Variants in MAML3 observed in about 807,000 individuals in gnomAD.
MAML3 encodes the protein mastermind-like protein 3.
Under a neutral mutation model 101.9 loss-of-function variants are expected in MAML3, and 27 were observed. That is an observed-to-expected ratio of 0.27 (90% CI 0.20 to 0.37). The LOEUF is 0.37. MAML3 is among the 10% of genes least tolerant of loss of function. The pLI is 1.00. For missense variants in MAML3, 1,316 were observed against 1,444.9 expected (o/e 0.91, Z 1.45); for synonymous variants, 501 against 555.9 (o/e 0.90, Z 1.39).
chr4:139,971,186 TCTA>T, intron 1 of MAML3, among the ~76,000 whole-genome samples: 1 of 147,552 alleles, frequency 6.8e-6, no homozygotes, highest in East Asian at 2.2e-4. Flanking sequence ...AGTTATCTCC[TCTA>T]ATTACTAACT....
At chr4:139,888,474 T>A in intron 2 of MAML3, 1 of 512,136 alleles carries the variant, frequency 2.0e-6, no homozygotes, top group South Asian at 1.4e-5. Flanking sequence ...TTAATGGGCA[T>A]TTCCCCACTC....
intron 1 of MAML3, among the ~76,000 whole-genome samples, chr4:140,012,427 C>T (rs1282876117): frequency 6.6e-6 from 1 of 152,150 alleles, no homozygotes; most frequent in African/African-American, 2.4e-5. Flanking sequence ...AATCAGTCGT[C>T]CAGTTCATCA....
At chr4:139,990,578 A>T (rs13134500) in intron 1 of MAML3, among the ~76,000 whole-genome samples, 6 of 142,158 alleles carry the variant, frequency 4.2e-5, no homozygotes, top group Admixed American at 7.3e-5. Context: ...AGGAAATAAA[A>T]GGTATTCAAT....
chr4:139,737,243 T>C (rs968439343), intron 2 of MAML3, among the ~76,000 whole-genome samples: 2 of 152,176 alleles, frequency 1.3e-5, no homozygotes, highest in African/African-American at 2.4e-5. Flanking sequence ...AATGTAACAC[T>C]TATGGGGCAC....
chr4:139,786,355 G>T (rs917928051), intron 2 of MAML3, among the ~76,000 whole-genome samples: 1 of 152,072 alleles, frequency 6.6e-6, no homozygotes, highest in Admixed American at 6.6e-5. Flanking sequence ...CCATGGAAAG[G>T]GGAAAAGTGG....
At chr4:140,120,430 G>T (rs181677442) in intron 1 of MAML3, among the ~76,000 whole-genome samples, 1 of 152,098 alleles carries the variant, frequency 6.6e-6, no homozygotes, top group Non-Finnish European at 1.5e-5. Flanking sequence ...AAAAGGCTTC[G>T]TATCATTCTT....
At chr4:140,011,328 G>A (rs1490453132) in intron 1 of MAML3, among the ~76,000 whole-genome samples, 6 of 107,148 alleles carry the variant, frequency 5.6e-5, no homozygotes, top group Admixed American at 1.3e-4. Context: ...TTTTACTCAA[G>A]GTTTTCTTGT....
At chr4:139,764,268 C>T (rs904074195) in intron 2 of MAML3, among the ~76,000 whole-genome samples, 2 of 152,190 alleles carry the variant, frequency 1.3e-5, no homozygotes, top group African/African-American at 4.8e-5. Flanking sequence ...TTTAAACATC[C>T]TTTTGCTAGA....
intron 2 of MAML3, among the ~76,000 whole-genome samples, chr4:139,852,909 A>G (rs1386391720): frequency 6.6e-6 from 1 of 152,156 alleles, no homozygotes; most frequent in African/African-American, 2.4e-5. Flanking sequence ...CAGTTGGGCA[A>G]TCTTGGGCAA....
intron 1 of MAML3, among the ~76,000 whole-genome samples, chr4:140,026,597 G>T (rs1341710929): frequency 1.3e-5 from 2 of 152,110 alleles, no homozygotes; most frequent in African/African-American, 4.8e-5. Context: ...ACGACAGAAA[G>T]AAACATTGAA....
chr4:139,766,240 C>T (rs979506762), intron 2 of MAML3, among the ~76,000 whole-genome samples: 4 of 152,002 alleles, frequency 2.6e-5, no homozygotes, highest in Non-Finnish European at 4.4e-5. Flanking sequence ...GGCATGATCT[C>T]GGCTTACTGC....
chr4:139,813,217 C>T (rs796225154), intron 2 of MAML3, among the ~76,000 whole-genome samples: 3 of 151,852 alleles, frequency 2.0e-5, no homozygotes, highest in African/African-American at 7.2e-5. Context: ...ATCCAAATAA[C>T]AGGAGTTACA....
intron 1 of MAML3, among the ~76,000 whole-genome samples, chr4:140,132,372 A>G (rs1215611051): frequency 1.3e-5 from 2 of 152,228 alleles, no homozygotes; most frequent in African/African-American, 4.8e-5. Flanking sequence ...GGTCCCTCAT[A>G]GACAAAGAAA....
chr4:139,942,666 T>C (rs1048104362), intron 1 of MAML3, among the ~76,000 whole-genome samples: 1 of 152,080 alleles, frequency 6.6e-6, no homozygotes, highest in Admixed American at 6.6e-5. Flanking sequence ...GTCCCTATTG[T>C]CTATACTCCT....
intron 1 of MAML3, among the ~76,000 whole-genome samples, chr4:139,988,971 G>A (rs1331544579): frequency 1.3e-5 from 2 of 152,142 alleles, no homozygotes; most frequent in African/African-American, 2.4e-5. Context: ...CATCATTGAT[G>A]GAAGTGACTG....
At chr4:139,925,765 T>C (rs1733213427) in intron 1 of MAML3, among the ~76,000 whole-genome samples, 1 of 152,206 alleles carries the variant, frequency 6.6e-6, no homozygotes, top group South Asian at 2.1e-4. Context: ...TCTCTACTCT[T>C]CTGTACGTTT....
At chr4:140,149,990 G>C (rs1729130267) in intron 1 of MAML3, among the ~76,000 whole-genome samples, 1 of 128,588 alleles carries the variant, frequency 7.8e-6, no homozygotes, top group Non-Finnish European at 1.6e-5. Flanking sequence ...CTCTGCTTAA[G>C]AGTTAAGGCT....
intron 2 of MAML3, among the ~76,000 whole-genome samples, chr4:139,837,721 A>G (rs1407097803): frequency 6.6e-6 from 1 of 152,096 alleles, no homozygotes. Context: ...GGAGTTCAAG[A>G]GCAGACTGGC....
rs186196223 is a variant in MAML3, at chr4:140,045,789, T to A, written c.468+107071A>T. 9.9e-4 allele frequency among the ~76,000 whole-genome samples: 151 copies of A among 152,248 alleles called. 1 individual carries two copies. Among genetic ancestry groups the A allele is most frequent in the African/African-American group, 3.0e-3 (126 of 41,532 alleles). On this transcript the variant is annotated intron_variant, in intron 1 of 4. Transcript: ENST00000509479. Reference sequence around the variant, plus strand: ...AGGGGTCTCGAGCCTCACTGACCCATCAGAAGAGCCTCTGAAGTATTGGTA... The same window carrying A: ...AGGGGTCTCGAGCCTCACTGACCCAACAGAAGAGCCTCTGAAGTATTGGTA...
Sources: gnomAD v4.1 joint callset for allele counts (sites outside exome capture counted in the v4.1 genomes callset) on GRCh38, gnomAD v4.1.1 for gene constraint, MANE v1.5 for transcripts, NCBI Gene and HGNC (gene_info 2026-07-23, HGNC 2026-07-21) for gene names.